Variants in TMEM74 observed in about 807,000 individuals in gnomAD.
TMEM74 encodes the protein transmembrane protein 74.
A neutral mutation model predicts 18.1 loss-of-function variants in TMEM74; 13 were observed. The observed-to-expected ratio is 0.72, with a 90% CI of 0.47 to 1.14. The LOEUF (loss-of-function observed/expected upper bound fraction) is 1.14. Among genes scored for constraint, TMEM74 ranks in the 50% most tolerant of loss-of-function variants. The pLI is 0.00. For missense variants in TMEM74, 372 were observed against 375.9 expected, an observed-to-expected ratio of 0.99 and a Z score of 0.09; for synonymous variants, 159 against 146.6, an observed-to-expected ratio of 1.08 and a Z score of -0.61.
At chr8:108,747,938 C>T (rs1813866364) in intron 1 of TMEM74, among the ~76,000 whole-genome samples, 1 of 151,998 alleles carries the variant, frequency 6.6e-6, no homozygotes, top group African/African-American at 2.4e-5. Context: ...GTATATGTAC[C>T]ATATTTTCTT....
intron 2 of TMEM74, among the ~76,000 whole-genome samples, chr8:108,633,600 A>T (rs1314427935): frequency 6.6e-6 from 1 of 152,070 alleles, no homozygotes; most frequent in Non-Finnish European, 1.5e-5. Context: ...CCATATAAGC[A>T]GTGAGTGCTA....
chr8:108,614,175 GT>G (rs1416431288), intron 2 of TMEM74, among the ~76,000 whole-genome samples: 1 of 151,386 alleles, frequency 6.6e-6, no homozygotes, highest in African/African-American at 2.4e-5. Flanking sequence ...TCAATAAAAA[GT>G]TGTGAATGAA....
At chr8:108,701,447 A>T (rs1309821460) in intron 1 of TMEM74, among the ~76,000 whole-genome samples, 1 of 152,206 alleles carries the variant, frequency 6.6e-6, no homozygotes, top group Non-Finnish European at 1.5e-5. Flanking sequence ...GAAGAAATAA[A>T]TTGCCTTTGT....
At chr8:108,673,580 C>A (rs181106679) in intron 1 of TMEM74, among the ~76,000 whole-genome samples, 1 of 152,194 alleles carries the variant, frequency 6.6e-6, no homozygotes, top group East Asian at 1.9e-4. Context: ...AGGGAGAGAG[C>A]CAAGAAACAG....
At chr8:108,742,292 A>G (rs1353696423) in intron 1 of TMEM74, among the ~76,000 whole-genome samples, 1 of 152,210 alleles carries the variant, frequency 6.6e-6, no homozygotes, top group African/African-American at 2.4e-5. Context: ...CCGAAACTAA[A>G]AGTAAAAACA....
intron 1 of TMEM74, among the ~76,000 whole-genome samples, chr8:108,681,091 C>T (rs1445815589): frequency 2.6e-5 from 4 of 152,146 alleles, no homozygotes; most frequent in Admixed American, 1.3e-4. Context: ...GCCATACTGC[C>T]CAAGGTAATT....
intron 1 of TMEM74, among the ~76,000 whole-genome samples, chr8:108,689,379 C>T (rs73700345): frequency 0.019 from 2,822 of 152,218 alleles, 91 homozygotes; most frequent in African/African-American, 0.065. Context: ...CATAGAGTAA[C>T]GAACCACAGT....
intron 2 of TMEM74, among the ~76,000 whole-genome samples, chr8:108,648,158 A>G (rs2130568558): frequency 6.6e-6 from 1 of 152,250 alleles, no homozygotes; most frequent in Admixed American, 6.6e-5. Flanking sequence ...AAATCCTCCC[A>G]TAAAGAGGTG....
chr8:108,639,788 G>A (rs560574670), intron 2 of TMEM74, among the ~76,000 whole-genome samples: 6 of 152,148 alleles, frequency 3.9e-5, no homozygotes, highest in African/African-American at 1.2e-4. Flanking sequence ...GGAAATTTCC[G>A]AAGTTTCCTC....
At chr8:108,657,889 T>TTA in intron 1 of TMEM74, among the ~76,000 whole-genome samples, 1 of 109,596 alleles carries the variant, frequency 9.1e-6, no homozygotes, top group Non-Finnish European at 1.8e-5. Flanking sequence ...TATATATATA[T>TTA]ATATATATAT....
chr8:108,700,130 GGTGTGTGTGTGTGTGTGTGTGT>G (rs3049748), intron 1 of TMEM74, among the ~76,000 whole-genome samples: 3 of 143,076 alleles, frequency 2.1e-5, no homozygotes, highest in Non-Finnish European at 3.0e-5. Flanking sequence ...GGCCATAAAT[GGTGTGTGTGTGTGTGTGTGTGT>G]GTGTGTGTGT....
At chr8:108,714,269 T>A (rs186027137) in intron 1 of TMEM74, among the ~76,000 whole-genome samples, 290 of 152,260 alleles carry the variant, frequency 1.9e-3, no homozygotes, top group Middle Eastern at 6.8e-3. Context: ...GTATAGATAT[T>A]CTAGAGGAGG....
At chr8:108,690,643 G>A (rs967072673) in intron 1 of TMEM74, among the ~76,000 whole-genome samples, 8 of 151,692 alleles carry the variant, frequency 5.3e-5, no homozygotes, top group African/African-American at 9.7e-5. Flanking sequence ...CTGAAACCCC[G>A]TCTCTACTAA....
At chr8:108,754,651 G>A (rs1377600577) in intron 1 of TMEM74, among the ~76,000 whole-genome samples, 1 of 134,624 alleles carries the variant, frequency 7.4e-6, no homozygotes, top group Non-Finnish European at 1.5e-5. Flanking sequence ...AGGTAGGTAG[G>A]TAGGTAGGTA....
chr8:108,634,402 C>T (rs895053317), intron 2 of TMEM74, among the ~76,000 whole-genome samples: 2 of 151,888 alleles, frequency 1.3e-5, no homozygotes, highest in African/African-American at 2.4e-5. Flanking sequence ...TCCTATTTCC[C>T]CCTATAAATT....
chr8:108,701,479 A>G (rs527792177), intron 1 of TMEM74, among the ~76,000 whole-genome samples: 3 of 152,336 alleles, frequency 2.0e-5, no homozygotes, highest in Admixed American at 1.3e-4. Context: ...ATGATTGTCC[A>G]TCTGATTTAA....
chr8:108,679,016 C>A (rs185533164), intron 1 of TMEM74, among the ~76,000 whole-genome samples: 1 of 150,544 alleles, frequency 6.6e-6, no homozygotes, highest in Non-Finnish European at 1.5e-5. Context: ...TTTGTCCTTG[C>A]GATAGTTTGC....
chr8:108,776,572 T>C (rs1050613351), downstream of TMEM74, among the ~76,000 whole-genome samples: 8 of 152,338 alleles, frequency 5.3e-5, no homozygotes, highest in South Asian at 2.1e-4. Flanking sequence ...GTCTAGAAGA[T>C]TGTAGTACAA....
chr8:108,672,664 C>CT (rs1813015127), intron 1 of TMEM74, among the ~76,000 whole-genome samples: 2 of 152,166 alleles, frequency 1.3e-5, no homozygotes, highest in Admixed American at 1.3e-4. Context: ...ATTTAGTATC[C>CT]TTGTGATTTC....
Sources: gnomAD v4.1 joint callset for allele counts (sites outside exome capture counted in the v4.1 genomes callset) on GRCh38, gnomAD v4.1.1 for gene constraint, MANE v1.5 for transcripts, NCBI Gene and HGNC (gene_info 2026-07-23, HGNC 2026-07-21) for gene names.